The following CCDC60 variants were observed in gnomAD, a reference collection of about 807,000 sequenced individuals.
The protein encoded by CCDC60 is coiled-coil domain-containing protein 60.
In CCDC60, 54 loss-of-function variants were observed where a neutral mutation model predicts 63.5. That is an observed-to-expected ratio of 0.85 (90% confidence interval 0.68 to 1.07). The LOEUF (loss-of-function observed/expected upper bound fraction) is 1.07, where lower values mean the gene tolerates loss of function less well. CCDC60 is among the 50% of genes least tolerant of loss of function. The probability of loss-of-function intolerance (pLI) is 0.00; values close to 1 mark genes in which losing one functional copy is unlikely to be tolerated. For synonymous variants in CCDC60, 206 were observed against 238.8 expected (o/e 0.86, Z 1.27); for missense variants, 651 against 684.3 (o/e 0.95, Z 0.54).
At chr12:119,419,869 C>CTTT (rs1206831493) in intron 1 of CCDC60, among the ~76,000 whole-genome samples, 17 of 106,478 alleles carry the variant, frequency 1.6e-4, no homozygotes, top group East Asian at 5.9e-4. Flanking sequence ...TTAAATAATT[C>CTTT]TTTTTTTTTT....
chr12:119,445,293 G>A (rs916003598), intron 2 of CCDC60, among the ~76,000 whole-genome samples: 5 of 151,656 alleles, frequency 3.3e-5, no homozygotes, highest in African/African-American at 9.7e-5. Flanking sequence ...AATTAGCCGG[G>A]TATGGTGGCA....
intron 1 of CCDC60, among the ~76,000 whole-genome samples, chr12:119,419,010 G>A (rs765960101): frequency 1.3e-5 from 2 of 152,230 alleles, no homozygotes; most frequent in Admixed American, 6.5e-5. Context: ...TTCATGCAGC[G>A]GAAGTCAGAA....
At chr12:119,535,509 G>A (rs1208827710) in intron 13 of CCDC60, among the ~76,000 whole-genome samples, 1 of 152,130 alleles carries the variant, frequency 6.6e-6, no homozygotes, top group Non-Finnish European at 1.5e-5. Flanking sequence ...TGATGTTAGG[G>A]TGTTGATTTT....
chr12:119,360,166 ACCC>A (rs1199688450), intron 1 of CCDC60, among the ~76,000 whole-genome samples: 2 of 107,048 alleles, frequency 1.9e-5, no homozygotes, highest in Admixed American at 9.7e-5. Flanking sequence ...CGGGGGGCTG[ACCC>A]CCCCCCACCT....
At chr12:119,466,379 T>C (rs1359129359) in intron 2 of CCDC60, among the ~76,000 whole-genome samples, 25 of 152,226 alleles carry the variant, frequency 1.6e-4, no homozygotes, top group Non-Finnish European at 2.9e-5. Flanking sequence ...TTGTACGTAA[T>C]AAGCATTCAC....
chr12:119,499,177 C>A (rs1951786731), intron 5 of CCDC60, among the ~76,000 whole-genome samples: 1 of 152,096 alleles, frequency 6.6e-6, no homozygotes, highest in Non-Finnish European at 1.5e-5. Context: ...AATTTGGCAA[C>A]AAATCTGGTC....
intron 1 of CCDC60, among the ~76,000 whole-genome samples, chr12:119,407,824 G>A (rs1405930189): frequency 6.6e-6 from 1 of 152,078 alleles, no homozygotes; most frequent in African/African-American, 2.4e-5. Flanking sequence ...AAATGGCAGA[G>A]CTGGGATTTA....
intron 3 of CCDC60, among the ~76,000 whole-genome samples, chr12:119,476,078 C>T (rs1951171178): frequency 6.8e-6 from 1 of 148,044 alleles, no homozygotes; most frequent in Admixed American, 6.7e-5. Flanking sequence ...ATTATTTTCT[C>T]CTCTCTGGAT....
At chr12:119,522,578 A>G (rs1952558225) in intron 9 of CCDC60, among the ~76,000 whole-genome samples, 1 of 152,208 alleles carries the variant, frequency 6.6e-6, no homozygotes, top group Admixed American at 6.5e-5. Context: ...AGACAAAGAG[A>G]ACAGTTTTAC....
intron 1 of CCDC60, among the ~76,000 whole-genome samples, chr12:119,367,889 A>C (rs1955856249): frequency 6.7e-6 from 1 of 148,870 alleles, no homozygotes; most frequent in Non-Finnish European, 1.5e-5. Context: ...ATAATGGGGT[A>C]ATATATAAAG....
chr12:119,384,173 G>A lies in CCDC60; in HGVS notation c.91-44510G>A, dbSNP rs149907250. Among the ~76,000 whole-genome samples the A allele has an allele frequency of 4.7e-3, 709 of 152,132 alleles. 8 individuals carry two copies. Among genetic ancestry groups the A allele is most frequent in the African/African-American group, 0.016 (657 of 41,506 alleles). The stretch of plus-strand genomic sequence containing the variant: ...ATCGTGCCACTACACTCCAGCCTAG[G>A]GGACAGAGCAAGACTCCATCTCAAA... On this transcript the variant is annotated intron_variant, in intron 1 of 13. Coordinates refer to ENST00000327554, the MANE Select transcript of CCDC60 (RefSeq NM_178499.5).
intron 9 of CCDC60, among the ~76,000 whole-genome samples, chr12:119,521,316 G>C (rs1952522202): frequency 6.6e-6 from 1 of 152,080 alleles, no homozygotes. Flanking sequence ...TGCATTCATG[G>C]ACCCCTTGAA....
At chr12:119,533,260 G>C (rs1952908347) in intron 13 of CCDC60, among the ~76,000 whole-genome samples, 1 of 151,922 alleles carries the variant, frequency 6.6e-6, no homozygotes, top group African/African-American at 2.4e-5. Flanking sequence ...CTTTTTGATG[G>C]CGTTGTTTAT....
chr12:119,467,842 C>T (rs1307898321), intron 2 of CCDC60, among the ~76,000 whole-genome samples: 2 of 152,196 alleles, frequency 1.3e-5, no homozygotes, highest in Non-Finnish European at 2.9e-5. Flanking sequence ...CAAACGCTAA[C>T]GGTTTTCTTT....
At chr12:119,424,028 A>T (rs570998156) in intron 1 of CCDC60, among the ~76,000 whole-genome samples, 2 of 152,366 alleles carry the variant, frequency 1.3e-5, no homozygotes, top group South Asian at 4.1e-4. Flanking sequence ...AAAAATTAGG[A>T]AAAAAGATAA....
intron 1 of CCDC60, among the ~76,000 whole-genome samples, chr12:119,345,024 A>G (rs1955576317): frequency 6.6e-6 from 1 of 152,084 alleles, no homozygotes; most frequent in Admixed American, 6.5e-5. Context: ...TTGTAATACT[A>G]TCTTCCCTAG....
At position 119,353,682 on chromosome 12, in the gene CCDC60, A is replaced by G. The variant is rs566823840; in HGVS notation, c.90+18416A>G. Reference sequence around the variant, plus strand: ...GAGTGCAGAGGTGTGATCTCAGCTTACTGCAACCTCTGCCTCCAGGGTTCA... The same window carrying G: ...GAGTGCAGAGGTGTGATCTCAGCTTGCTGCAACCTCTGCCTCCAGGGTTCA... On this transcript the variant is annotated intron_variant, in intron 1 of 13. Transcript: ENST00000327554. Among the ~76,000 whole-genome samples the G allele has an allele frequency of 1.3e-4, 17 of 126,096 alleles. No individual in the cohort carries two copies. In the East Asian group the frequency reaches 2.8e-3, roughly 21 times the overall value. The allele number at this position is 126,096 out of a possible 152,430, so 82.7% of individuals were successfully genotyped here.
At chr12:119,497,212 T>C (rs988663463) in intron 5 of CCDC60, among the ~76,000 whole-genome samples, 1 of 152,212 alleles carries the variant, frequency 6.6e-6, no homozygotes, top group Non-Finnish European at 1.5e-5. Context: ...GGCCTGGAAC[T>C]ATTTGGTCGA....
chr12:119,455,761 A>AAAAGAAAG (rs1555245255), intron 2 of CCDC60, among the ~76,000 whole-genome samples: 2 of 147,992 alleles, frequency 1.4e-5, no homozygotes, highest in Non-Finnish European at 3.0e-5. Flanking sequence ...GAAAGAAAAG[A>AAAAGAAAG]AAAGAAAGAA....
Sources: allele counts gnomAD v4.1 joint callset (sites outside exome capture counted in the v4.1 genomes callset), GRCh38; gene constraint gnomAD v4.1.1; transcripts MANE v1.5; gene names NCBI Gene and HGNC (gene_info 2026-07-23, HGNC 2026-07-21).